The following BMERB1 variants were observed in gnomAD, a reference collection of about 807,000 sequenced individuals.
The protein encoded by BMERB1 is bMERB domain-containing protein 1.
Under a neutral mutation model 23.6 loss-of-function variants are expected in BMERB1, and 12 were observed. The observed-to-expected ratio is 0.51, with a 90% CI of 0.33 to 0.82. The LOEUF (loss-of-function observed/expected upper bound fraction) is 0.82, where lower values mean the gene tolerates loss of function less well. Among genes scored for constraint, BMERB1 ranks in the 40% least tolerant of loss-of-function variants. The pLI, the probability that BMERB1 is intolerant of heterozygous loss-of-function variation, is 0.03. For synonymous variants in BMERB1, 122 were observed against 96.6 expected, an observed-to-expected ratio of 1.26 and a Z score of -1.54; for missense variants, 247 against 255.4, an observed-to-expected ratio of 0.97 and a Z score of 0.22.
At chr16:15,499,879 C>T (rs574578657) in intron 1 of BMERB1, among the ~76,000 whole-genome samples, 13 of 152,246 alleles carry the variant, frequency 8.5e-5, no homozygotes, top group South Asian at 6.2e-4. Context: ...GATAAGGAGT[C>T]GGGGTAGGGA....
intron 1 of BMERB1, among the ~76,000 whole-genome samples, chr16:15,445,386 G>A (rs1275776985): frequency 6.6e-6 from 1 of 152,094 alleles, no homozygotes; most frequent in Non-Finnish European, 1.5e-5. Context: ...TACATAAAAA[G>A]GTAAACTTGA....
intron 3 of BMERB1, among the ~76,000 whole-genome samples, chr16:15,570,630 G>A (rs925521221): frequency 6.6e-6 from 1 of 152,106 alleles, no homozygotes; most frequent in Non-Finnish European, 1.5e-5. Flanking sequence ...AAGAATTTAG[G>A]GCGAGTCCGT....
At chr16:15,505,576 G>A (rs188281144) in intron 1 of BMERB1, among the ~76,000 whole-genome samples, 6 of 152,196 alleles carry the variant, frequency 3.9e-5, no homozygotes, top group South Asian at 2.1e-4. Context: ...GGACATTTCC[G>A]TTAGGGAGTT....
At chr16:15,479,782 A>T (rs546588688) in intron 1 of BMERB1, among the ~76,000 whole-genome samples, 5 of 152,040 alleles carry the variant, frequency 3.3e-5, no homozygotes, top group Admixed American at 6.6e-5. Flanking sequence ...TAGTGAATTT[A>T]AAAAATAAAT....
intron 1 of BMERB1, among the ~76,000 whole-genome samples, chr16:15,509,738 A>C (rs191332709): frequency 6.6e-6 from 1 of 151,808 alleles, no homozygotes; most frequent in East Asian, 1.9e-4. Context: ...CCCTGGAGAG[A>C]GTGACATTGT....
intron 1 of BMERB1, among the ~76,000 whole-genome samples, chr16:15,472,893 T>C (rs1239746092): frequency 6.7e-6 from 1 of 149,880 alleles, no homozygotes. Flanking sequence ...GGTCTCGCTC[T>C]GTTGCCCAGG....
chr16:15,520,085 G>A (rs577968902), intron 2 of BMERB1, among the ~76,000 whole-genome samples: 82 of 152,100 alleles, frequency 5.4e-4, no homozygotes, highest in Middle Eastern at 6.8e-3. Flanking sequence ...TTGAGTCCTC[G>A]CAAGAACCCC....
At chr16:15,488,327 C>T (rs1168183646) in intron 1 of BMERB1, among the ~76,000 whole-genome samples, 2 of 152,174 alleles carry the variant, frequency 1.3e-5, no homozygotes, top group East Asian at 3.8e-4. Context: ...AAAAGCCATT[C>T]TTGTCTCACA....
chr16:15,571,515 C>T (rs894617037), intron 3 of BMERB1, among the ~76,000 whole-genome samples: 9 of 152,100 alleles, frequency 5.9e-5, no homozygotes, highest in South Asian at 2.1e-4. Flanking sequence ...CCACCACGCC[C>T]GGCTAATTTT....
Position 15,587,258 on chromosome 16 carries a change from T to C in BMERB1, c.*429T>C. ...CGTTCCCCATCCACCCTCCTAGCTCTGCTCTCAGAGCTAGGCACATGGGCA... is the reference window on the plus strand; with the variant it reads ...CGTTCCCCATCCACCCTCCTAGCTCCGCTCTCAGAGCTAGGCACATGGGCA... On this transcript the variant is annotated 3_prime_UTR_variant, in exon 6 of 6. Transcript: ENST00000300006. 1 of 229,014 alleles carries C rather than the reference T, an allele frequency of 4.4e-6. No individual in the cohort carries two copies. The highest frequency in any genetic ancestry group is 9.0e-6 in the Non-Finnish European group (1 of 110,924). The allele number at this position is 229,014 out of a possible 1,614,324, so 14.2% of individuals were successfully genotyped here.
intron 2 of BMERB1, among the ~76,000 whole-genome samples, chr16:15,528,549 C>A (rs770590895): frequency 6.6e-6 from 1 of 152,046 alleles, no homozygotes; most frequent in Non-Finnish European, 1.5e-5. Context: ...ATCCATTCCT[C>A]ACCCCCAGCT....
chr16:15,492,461 T>C (rs548322597), intron 1 of BMERB1, among the ~76,000 whole-genome samples: 8 of 152,300 alleles, frequency 5.3e-5, no homozygotes, highest in African/African-American at 1.9e-4. Context: ...CATAACTCCC[T>C]ACCCTATAAG....
At chr16:15,529,703 C>T (rs1450410681) in intron 2 of BMERB1, among the ~76,000 whole-genome samples, 2 of 152,154 alleles carry the variant, frequency 1.3e-5, no homozygotes, top group African/African-American at 4.8e-5. Flanking sequence ...GGCTCATCTT[C>T]CTGCTTCTCC....
At chr16:15,490,139 C>G (rs940907629) in intron 1 of BMERB1, among the ~76,000 whole-genome samples, 1 of 152,164 alleles carries the variant, frequency 6.6e-6, no homozygotes, top group African/African-American at 2.4e-5. Context: ...GCTGGGATTA[C>G]AGGTGTAAGC....
chr16:15,553,571 T>C (rs538058385), intron 2 of BMERB1, among the ~76,000 whole-genome samples: 1 of 152,368 alleles, frequency 6.6e-6, no homozygotes, highest in Non-Finnish European at 1.5e-5. Flanking sequence ...CTGAAATGAA[T>C]GGACATGACT....
chr16:15,586,080 A>G (rs899820436), intron 5 of BMERB1, among the ~76,000 whole-genome samples: 6 of 152,218 alleles, frequency 3.9e-5, no homozygotes, highest in African/African-American at 2.4e-5. Context: ...TTTTTTATCA[A>G]TAAAGTAAAA....
chr16:15,487,791 T>C lies in BMERB1; in HGVS notation c.107-27514T>C, dbSNP rs528153202. Among the ~76,000 whole-genome samples, 6 of 152,292 alleles carry C rather than the reference T, an allele frequency of 3.9e-5. No homozygotes were observed. The South Asian group carries it at 1.2e-3, about 32-fold the overall frequency. On this transcript the variant is annotated intron_variant, in intron 1 of 5. Coordinates refer to ENST00000300006, the MANE Select transcript of BMERB1 (RefSeq NM_033201.3). ...GGGTTCCTCCACTTTTAAGACTATA[T>C]AAGGTAACTGACATTGCCATGGCAT...
intron 2 of BMERB1, among the ~76,000 whole-genome samples, chr16:15,535,456 G>C (rs968448906): frequency 6.6e-6 from 1 of 151,982 alleles, no homozygotes; most frequent in Non-Finnish European, 1.5e-5. Context: ...GACCATCCTG[G>C]CCAACATGGT....
intron 1 of BMERB1, among the ~76,000 whole-genome samples, chr16:15,443,812 G>C (rs966498593): frequency 6.6e-6 from 1 of 151,958 alleles, no homozygotes; most frequent in South Asian, 2.1e-4. Flanking sequence ...CCAGCTACTC[G>C]GGAGCCTGAG....
Sources: allele counts gnomAD v4.1 joint callset (sites outside exome capture counted in the v4.1 genomes callset), GRCh38; gene constraint gnomAD v4.1.1; transcripts MANE v1.5; gene names NCBI Gene and HGNC (gene_info 2026-07-23, HGNC 2026-07-21).